CREBBP: variants seen among roughly 807,000 people sequenced by gnomAD.
CREBBP encodes CREB-binding protein.
CREBBP carries 19 observed loss-of-function variants against 265.0 expected under a neutral mutation model. The ratio of observed to expected loss-of-function variants is 0.07; its 90% CI spans 0.05 to 0.11. The LOEUF (loss-of-function observed/expected upper bound fraction) is 0.11, where lower values mean the gene tolerates loss of function less well. Ranked by LOEUF, CREBBP falls within the 10% of genes least tolerant of loss-of-function variation. The pLI is 1.00. For missense variants in CREBBP, 2,525 were observed against 3,219.0 expected (o/e 0.78, Z 5.22); for synonymous variants, 1,457 against 1,223.7 (o/e 1.19, Z -3.98).
chr16:3,786,054 A>G (rs773999214), intron 5 of CREBBP, among the ~76,000 whole-genome samples: 1 of 152,226 alleles, frequency 6.6e-6, no homozygotes, highest in Non-Finnish European at 1.5e-5. Context: ...ACAATGTTCC[A>G]CTAAGAGGCC....
intron 3 of CREBBP, among the ~76,000 whole-genome samples, chr16:3,802,342 G>GACTGGTCTCAA (rs1275229751): frequency 2.0e-5 from 3 of 151,780 alleles, no homozygotes; most frequent in Non-Finnish European, 2.9e-5. Flanking sequence ...GTGTTAGCCA[G>GACTGGTCTCAA]ACTGGTCTCA....
intron 5 of CREBBP, among the ~76,000 whole-genome samples, chr16:3,788,883 T>C (rs940351834): frequency 6.6e-6 from 1 of 151,940 alleles, no homozygotes; most frequent in Non-Finnish European, 1.5e-5. Context: ...GCCCGAGAGG[T>C]TGAGGCTGCA....
At chr16:3,766,731 T>G (rs918813610) in intron 16 of CREBBP, among the ~76,000 whole-genome samples, 2 of 152,160 alleles carry the variant, frequency 1.3e-5, no homozygotes, top group Non-Finnish European at 2.9e-5. Flanking sequence ...CTTGCTATGT[T>G]GCTCAGGCTG....
intron 20 of CREBBP, among the ~76,000 whole-genome samples, chr16:3,750,544 T>C (rs17136507): frequency 0.16 from 24,791 of 152,128 alleles, 2,721 homozygotes; most frequent in African/African-American, 0.3. Flanking sequence ...GTTACTTAAG[T>C]ATAGAAATGA....
intron 1 of CREBBP, 35 bp from the exon 2 acceptor site, chr16:3,851,044 A>G (rs762635216): frequency 8.8e-6 from 14 of 1,586,506 alleles, no homozygotes; most frequent in Non-Finnish European, 1.2e-5. Context: ...TGAGAAACTA[A>G]GCAACCTTTA....
chr16:3,745,227 G>T, intron 22 of CREBBP, 50 bp downstream of exon 22: 1 of 1,536,450 alleles, frequency 6.5e-7, no homozygotes, highest in Non-Finnish European at 9.0e-7. Flanking sequence ...CAACTGCCCC[G>T]CCACTGGCTC....
chr16:3,822,901 G>C (rs971910537), intron 2 of CREBBP, among the ~76,000 whole-genome samples: 1 of 152,206 alleles, frequency 6.6e-6, no homozygotes, highest in Non-Finnish European at 1.5e-5. Context: ...TGCAGTCTCT[G>C]TGCCTTGTTT....
intron 2 of CREBBP, chr16:3,840,556 C>G (rs2054546690): frequency 6.2e-6 from 1 of 160,244 alleles, no homozygotes; most frequent in Non-Finnish European, 1.4e-5. Flanking sequence ...TAATCCAACC[C>G]TGGTCCCAGT....
In CREBBP at chr16:3,791,689, C is replaced by T. The variant is rs2053510969; in HGVS notation, c.1330+292G>A. ...GAAATACCATGTCTTCGTGTTGGCT[C>T]AGTGAACAAAGTGACTCTGCTGTTC... On this transcript the variant is annotated intron_variant, in intron 5 of 30. Transcript: ENST00000262367. Among the ~76,000 whole-genome samples, 5 of 152,286 alleles carry T rather than the reference C, an allele frequency of 3.3e-5. 1 individual carries two copies. The highest frequency in any genetic ancestry group is 3.3e-4 in the Admixed American group (5 of 15,300).
In CREBBP at chr16:3,849,003, C is replaced by T. The variant is rs566077089; in HGVS notation, c.798+1294G>A. On this transcript the variant is annotated intron_variant, in intron 2 of 30. Coordinates refer to ENST00000262367, the MANE Select transcript of CREBBP (RefSeq NM_004380.3). ...TTTTGCATCCGTCACCCAACGCTCT[C>T]ATCAACCTTCTGGGGAAACTGTGTT... Among the ~76,000 whole-genome samples, 3 of 152,324 alleles carry T rather than the reference C, an allele frequency of 2.0e-5. No individual in the cohort carries two copies. The South Asian group carries it at 6.2e-4, about 32-fold the overall frequency.
intron 15 of CREBBP, 36 bp from the exon 16 acceptor site, chr16:3,767,945 A>C (rs1299957404): frequency 1.9e-6 from 3 of 1,601,018 alleles, no homozygotes; most frequent in South Asian, 1.1e-5. Context: ...TATGAATATC[A>C]AACACCTTTA....
At chr16:3,819,050 G>T (rs2054093580) in intron 2 of CREBBP, among the ~76,000 whole-genome samples, 1 of 152,278 alleles carries the variant, frequency 6.6e-6, no homozygotes, top group Non-Finnish European at 1.5e-5. Flanking sequence ...AGCCGGGACA[G>T]AGACAGGATC....
At chr16:3,779,566 C>T (rs1193102650) in intron 8 of CREBBP, among the ~76,000 whole-genome samples, 1 of 152,190 alleles carries the variant, frequency 6.6e-6, no homozygotes, top group Non-Finnish European at 1.5e-5. Flanking sequence ...TGCCAAGCCT[C>T]TCTTGCCTCG....
chr16:3,851,306 T>TAAAAAAAAAAAAAAAAAAAAGA (rs1160251196), intron 1 of CREBBP, among the ~76,000 whole-genome samples: 1 of 76,506 alleles, frequency 1.3e-5, no homozygotes, highest in Non-Finnish European at 3.0e-5. Flanking sequence ...AAAAAAAAAT[T>TAAAAAAAAAAAAAAAAAAAAGA]AAAAAAAAAA....
chr16:3,851,195 G>A (rs1270064254), intron 1 of CREBBP, among the ~76,000 whole-genome samples, 186 bp from the exon 2 acceptor site: 1 of 150,842 alleles, frequency 6.6e-6, no homozygotes, highest in East Asian at 2.0e-4. Context: ...GGCTAAGGCA[G>A]GAGAATAGCT....
At chr16:3,826,964 T>A (rs1347281458) in intron 2 of CREBBP, among the ~76,000 whole-genome samples, 1 of 152,178 alleles carries the variant, frequency 6.6e-6, no homozygotes, top group East Asian at 1.9e-4. Flanking sequence ...TGTTGTACTA[T>A]CTTTTAATTT....
In CREBBP at chr16:3,731,653, T is replaced by C. The variant is rs569173616; in HGVS notation, c.4890+123A>G. 368 of 1,478,132 alleles carry C rather than the reference T, an allele frequency of 2.5e-4. 1 individual carries two copies. In the African/African-American group the frequency reaches 3.5e-3, roughly 14 times the overall value. 91.6% of individuals were successfully genotyped at this position (1,478,132 alleles called of 1,614,324 possible). On this transcript the variant is annotated intron_variant, in intron 29 of 30. Transcript: ENST00000262367. The surrounding 1 kb of genome is among the most constrained non-coding windows in gnomAD (Gnocchi z 7.7). ...GCATGATGTCACCCAACTGGTCCAC[T>C]TGGTTTCCTGGGGGCCACTTCCCTC... is the stretch of plus-strand genomic sequence containing the variant.
In CREBBP at chr16:3,742,811, T is replaced by G. The variant is rs1388793705; in HGVS notation, c.3982+2083A>C. ...ACCTCTAGTCTCCTAGGCCCTTTTC[T>G]CCAGTAATGTTCCATTTCTAGATCT... On this transcript the variant is annotated intron_variant, in intron 23 of 30. Transcript: ENST00000262367. 3 of 152,024 alleles carry G rather than the reference T, an allele frequency of 2.0e-5. No homozygotes were observed. In the East Asian group the frequency reaches 5.8e-4, roughly 29 times the overall value. 9.4% of individuals were successfully genotyped at this position (152,024 alleles called of 1,614,324 possible).
In CREBBP at chr16:3,865,378, T is replaced by C. The variant is rs539341144; in HGVS notation, c.86-14369A>G. On this transcript the variant is annotated intron_variant, in intron 1 of 30. Transcript: ENST00000262367. ...TGGCACAGGTCACATAATGGAATGG[T>C]AGACAACTGTAAGAAGACAATAAAC... Among the ~76,000 whole-genome samples, 5 of 152,336 alleles carry C rather than the reference T, an allele frequency of 3.3e-5. No homozygotes were observed. In the East Asian group the frequency reaches 7.7e-4, roughly 24 times the overall value.
Sources: allele counts gnomAD v4.1 joint callset (sites outside exome capture counted in the v4.1 genomes callset), GRCh38; gene constraint gnomAD v4.1.1; non-coding constraint Gnocchi (gnomAD v3.1); transcripts MANE v1.5; gene names NCBI Gene and HGNC (gene_info 2026-07-23, HGNC 2026-07-21).